GPC5: variants seen among roughly 807,000 people sequenced by gnomAD.
GPC5 encodes the protein glypican-5.
A neutral mutation model predicts 53.9 loss-of-function variants in GPC5; 47 were observed. The observed-to-expected ratio is 0.87, with a 90% CI of 0.69 to 1.11. GPC5 has a LOEUF of 1.11. GPC5 is among the 50% of genes most tolerant of loss of function. The pLI, the probability that GPC5 is intolerant of heterozygous loss-of-function variation, is 0.00. For synonymous variants in GPC5, 286 were observed against 263.3 expected, an observed-to-expected ratio of 1.09 and a Z score of -0.84; for missense variants, 748 against 713.1, an observed-to-expected ratio of 1.05 and a Z score of -0.56.
chr13:92,222,169 G>A (rs1295094474), intron 7 of GPC5, among the ~76,000 whole-genome samples: 1 of 152,166 alleles, frequency 6.6e-6, no homozygotes, highest in Admixed American at 6.5e-5. Flanking sequence ...TAGGCATCAT[G>A]TGCCACTGTG....
chr13:92,673,692 C>T (rs1306178680), intron 7 of GPC5, among the ~76,000 whole-genome samples: 2 of 152,030 alleles, frequency 1.3e-5, no homozygotes, highest in Non-Finnish European at 2.9e-5. Context: ...TCTATCATTC[C>T]ACAGTAGATA....
chr13:92,844,015 A>G (rs1878517359), intron 7 of GPC5, among the ~76,000 whole-genome samples: 1 of 151,412 alleles, frequency 6.6e-6, no homozygotes, highest in Non-Finnish European at 1.5e-5. Context: ...GAGCTGGAAG[A>G]CACTTTGGAG....
intron 7 of GPC5, among the ~76,000 whole-genome samples, chr13:92,747,826 A>G (rs774081682): frequency 1.3e-4 from 20 of 152,218 alleles, no homozygotes; most frequent in Non-Finnish European, 2.5e-4. Flanking sequence ...TCCCAGTGCC[A>G]TACTTAAGAG....
At chr13:92,468,197 C>T (rs543394799) in intron 7 of GPC5, among the ~76,000 whole-genome samples, 27 of 152,146 alleles carry the variant, frequency 1.8e-4, no homozygotes, top group Non-Finnish European at 2.9e-4. Context: ...AAGAATTCAT[C>T]AGACAAGATT....
intron 2 of GPC5, among the ~76,000 whole-genome samples, chr13:91,612,603 A>AAAAC (rs907996889): frequency 1.5e-4 from 23 of 152,176 alleles, no homozygotes; most frequent in Admixed American, 3.3e-4. Context: ...CCCATGGATT[A>AAAAC]AAACAAACAA....
chr13:91,919,916 C>T (rs933545119), intron 6 of GPC5, among the ~76,000 whole-genome samples: 3 of 152,198 alleles, frequency 2.0e-5, no homozygotes, highest in Non-Finnish European at 4.4e-5. Context: ...TTCTTTGAAG[C>T]AACTGATCAA....
intron 2 of GPC5, among the ~76,000 whole-genome samples, chr13:91,692,687 A>G (rs1466606007): frequency 6.6e-6 from 1 of 152,194 alleles, no homozygotes; most frequent in African/African-American, 2.4e-5. Context: ...TCTGTCACCG[A>G]GGCTGGAGTG....
At chr13:92,536,890 T>G (rs1881743156) in intron 7 of GPC5, among the ~76,000 whole-genome samples, 1 of 152,128 alleles carries the variant, frequency 6.6e-6, no homozygotes, top group South Asian at 2.1e-4. Flanking sequence ...TTATGCAGGC[T>G]TATTAGTGTA....
At chr13:91,431,868 A>T in intron 1 of GPC5, among the ~76,000 whole-genome samples, 1 of 152,194 alleles carries the variant, frequency 6.6e-6, no homozygotes, top group East Asian at 1.9e-4. Context: ...GTTTCTTTCC[A>T]TCTCACCTCT....
chr13:91,580,836 A>T (rs1054015217), intron 2 of GPC5, among the ~76,000 whole-genome samples: 17 of 152,204 alleles, frequency 1.1e-4, no homozygotes, highest in African/African-American at 3.6e-4. Flanking sequence ...TTTATGTATT[A>T]GTCCATTTTC....
chr13:92,124,167 T>A (rs1329457463), intron 6 of GPC5, among the ~76,000 whole-genome samples: 2 of 142,388 alleles, frequency 1.4e-5, no homozygotes, highest in African/African-American at 2.6e-5. Flanking sequence ...AAGACAGACA[T>A]ATTCATGTAA....
intron 2 of GPC5, among the ~76,000 whole-genome samples, chr13:91,682,270 T>C (rs2139740730): frequency 6.6e-6 from 1 of 152,312 alleles, no homozygotes; most frequent in South Asian, 2.1e-4. Flanking sequence ...GAGAATCAAG[T>C]GAATTAATTT....
intron 2 of GPC5, among the ~76,000 whole-genome samples, chr13:91,454,957 G>A (rs188963473): frequency 1.8e-4 from 27 of 152,076 alleles, no homozygotes; most frequent in Admixed American, 2.0e-4. Flanking sequence ...ACTCTTGAAC[G>A]CTACTTATGT....
At chr13:92,018,193 C>T (rs781096762) in intron 6 of GPC5, among the ~76,000 whole-genome samples, 4 of 152,042 alleles carry the variant, frequency 2.6e-5, no homozygotes, top group Non-Finnish European at 4.4e-5. Flanking sequence ...CAAAGGTAGG[C>T]ATTTATTTTT....
intron 7 of GPC5, among the ~76,000 whole-genome samples, chr13:92,505,696 G>T (rs1403891993): frequency 6.6e-6 from 1 of 152,034 alleles, no homozygotes; most frequent in African/African-American, 2.4e-5. Context: ...CCAAAAACTT[G>T]AAATAACCCA....
intron 7 of GPC5, among the ~76,000 whole-genome samples, chr13:92,564,474 T>C (rs1175375212): frequency 2.0e-5 from 3 of 152,076 alleles, no homozygotes; most frequent in Non-Finnish European, 4.4e-5. Flanking sequence ...TTTGTGTCTA[T>C]TTTTCCTGCT....
At chr13:92,200,897 T>G (rs1015676674) in intron 7 of GPC5, among the ~76,000 whole-genome samples, 12 of 151,884 alleles carry the variant, frequency 7.9e-5, no homozygotes, top group Non-Finnish European at 1.6e-4. Context: ...GTATCTAAAC[T>G]GAAGAATTCA....
At chr13:91,426,378 T>G (rs900764988) in intron 1 of GPC5, among the ~76,000 whole-genome samples, 1 of 152,084 alleles carries the variant, frequency 6.6e-6, no homozygotes, top group Non-Finnish European at 1.5e-5. Context: ...CATGGCATAT[T>G]AGGGTTCTCT....
intron 5 of GPC5, among the ~76,000 whole-genome samples, chr13:91,890,676 A>C (rs1010946185): frequency 1.4e-4 from 21 of 152,242 alleles, no homozygotes; most frequent in Admixed American, 1.4e-3. Flanking sequence ...TCCTGCAGTA[A>C]TTCAACAAGT....
Sources: allele counts gnomAD v4.1 joint callset (sites outside exome capture counted in the v4.1 genomes callset), GRCh38; gene constraint gnomAD v4.1.1; transcripts MANE v1.5; gene names NCBI Gene and HGNC (gene_info 2026-07-23, HGNC 2026-07-21).